The following SUFU variants were observed in gnomAD, a reference collection of about 807,000 sequenced individuals.
SUFU encodes suppressor of fused homolog.
SUFU carries 7 observed loss-of-function variants against 58.9 expected under a neutral mutation model. The ratio of observed to expected loss-of-function variants is 0.12; its 90% CI spans 0.07 to 0.22. SUFU has a LOEUF of 0.22. SUFU is among the 10% of genes least tolerant of loss of function. The pLI, the probability that SUFU is intolerant of heterozygous loss-of-function variation, is 1.00. For missense variants in SUFU, 451 were observed against 641.3 expected, an observed-to-expected ratio of 0.70 and a Z score of 3.20; for synonymous variants, 232 against 254.8, an observed-to-expected ratio of 0.91 and a Z score of 0.85.
At chr10:102,607,275 CCT>C (rs2063570740) in intron 8 of SUFU, among the ~76,000 whole-genome samples, 1 of 152,064 alleles carries the variant, frequency 6.6e-6, no homozygotes, top group Non-Finnish European at 1.5e-5. Context: ...GCCTTGAACT[CCT>C]GAGCTCAATC....
At chr10:102,513,944 G>A (rs957694340) in intron 2 of SUFU, among the ~76,000 whole-genome samples, 12 of 152,038 alleles carry the variant, frequency 7.9e-5, no homozygotes, top group African/African-American at 2.9e-4. Flanking sequence ...GAGGGCAGTG[G>A]CGAGGTCACG....
rs1384774384 is a variant in SUFU at position 102,630,397 on chromosome 10, G to C, written c.*242G>C. The C allele has an allele frequency of 1.8e-6, 1 of 562,784 alleles. No homozygotes were observed. Among genetic ancestry groups the C allele is most frequent in the Non-Finnish European group, 3.2e-6 (1 of 312,928 alleles). 34.9% of individuals were successfully genotyped at this position (562,784 alleles called of 1,614,324 possible). On this transcript the variant is annotated 3_prime_UTR_variant, in exon 12 of 12. Transcript: ENST00000369902. ...TTGTGACCCATCAGGCCAGTGAGTGGGCAAATGCGGACCCTCCCTGCCTGC... is the reference window on the plus strand; with the variant it reads ...TTGTGACCCATCAGGCCAGTGAGTGCGCAAATGCGGACCCTCCCTGCCTGC...
chr10:102,530,236 A>G (rs956750833), intron 2 of SUFU, among the ~76,000 whole-genome samples: 3 of 151,932 alleles, frequency 2.0e-5, no homozygotes, highest in Non-Finnish European at 2.9e-5. Context: ...CTGGAGTAAT[A>G]TGTTAATAAT....
chr10:102,593,664 A>G lies in SUFU; in HGVS notation c.626A>G (p.His209Arg). ...GTTGGTGTCTGCACTGAAGAGCTAC[A>G]CTCAGCCCAGCAGTGGAACGGGCAG... Reference protein sequence around the residue: ...QIVGVCTEELHSAQQWNGQGI... With the variant: ...QIVGVCTEELRSAQQWNGQGI... The change falls in exon 5 of 12, where the codon CAC (histidine) becomes CGC (arginine). Residue 209 changes from histidine (H) to arginine (R), a missense_variant. Physicochemically the swap from His to Arg is conservative, Grantham distance 29. Transcript: ENST00000369902. The G allele has an allele frequency of 6.2e-7, 1 of 1,614,104 alleles. No homozygotes were observed. Among genetic ancestry groups the G allele is most frequent in the Non-Finnish European group, 8.5e-7 (1 of 1,180,006 alleles).
chr10:102,539,013 G>A (rs772696506), intron 2 of SUFU, among the ~76,000 whole-genome samples: 7 of 152,258 alleles, frequency 4.6e-5, no homozygotes, highest in South Asian at 2.1e-4. Context: ...TGCTTTGTGC[G>A]GGTCAGACAG....
intron 3 of SUFU, among the ~76,000 whole-genome samples, chr10:102,576,884 AT>A (rs1387210004): frequency 1.3e-5 from 2 of 151,392 alleles, no homozygotes; most frequent in African/African-American, 4.9e-5. Context: ...TAATTTTTAA[AT>A]TTTTTTGTAG....
At chr10:102,599,597 G>A (rs1047520772) in intron 8 of SUFU, 53 bp downstream of exon 8, 1 of 1,462,918 alleles carries the variant, frequency 6.8e-7, no homozygotes, top group Non-Finnish European at 9.6e-7. Flanking sequence ...TTTTTCTGAA[G>A]GGCCTGTCCC....
intron 10 of SUFU, among the ~76,000 whole-genome samples, chr10:102,623,116 C>G (rs2063756057): frequency 2.6e-5 from 4 of 151,938 alleles, no homozygotes; most frequent in African/African-American, 9.7e-5. Context: ...GAGTGTGCTG[C>G]TCAGATTGGT....
At chr10:102,600,076 G>A (rs1046879014) in intron 8 of SUFU, among the ~76,000 whole-genome samples, 1 of 152,130 alleles carries the variant, frequency 6.6e-6, no homozygotes, top group African/African-American at 2.4e-5. Context: ...TGCCTGTCCA[G>A]GGGCCCCTGT....
At chr10:102,626,667 A>G (rs1357413570) in intron 10 of SUFU, among the ~76,000 whole-genome samples, 1 of 152,148 alleles carries the variant, frequency 6.6e-6, no homozygotes, top group Non-Finnish European at 1.5e-5. Flanking sequence ...TCTCCAGCTC[A>G]GACATTCTTG....
rs990791411 is a variant in SUFU at position 102,630,723 on chromosome 10, A to T, written c.*568A>T. ...AAGATGTCCAGAAGCCATGTATATA[A>T]TGTTTTTTAAACAGAACTTCATTCC... On this transcript the variant is annotated 3_prime_UTR_variant, in exon 12 of 12. Coordinates refer to ENST00000369902, the MANE Select transcript of SUFU (RefSeq NM_016169.4). The T allele has an allele frequency of 7.6e-6, 2 of 264,744 alleles. No homozygotes were observed. Among genetic ancestry groups the T allele is most frequent in the African/African-American group, 4.3e-5 (2 of 46,442 alleles). The allele number at this position is 264,744 out of a possible 1,614,324, so 16.4% of individuals were successfully genotyped here.
At chr10:102,521,057 C>T (rs1261971525) in intron 2 of SUFU, among the ~76,000 whole-genome samples, 1 of 152,166 alleles carries the variant, frequency 6.6e-6, no homozygotes, top group Non-Finnish European at 1.5e-5. Flanking sequence ...AACCATTTTC[C>T]ATAGTGGCTA....
intron 2 of SUFU, among the ~76,000 whole-genome samples, chr10:102,542,972 CTTCA>C (rs1190922928): frequency 1.3e-5 from 2 of 152,140 alleles, no homozygotes; most frequent in Non-Finnish European, 2.9e-5. Context: ...TTGTAGAGTT[CTTCA>C]TTCTTTCTTA....
At chr10:102,523,901 T>C (rs2062578437) in intron 2 of SUFU, among the ~76,000 whole-genome samples, 1 of 152,240 alleles carries the variant, frequency 6.6e-6, no homozygotes, top group Non-Finnish European at 1.5e-5. Context: ...CGGCCTTCTC[T>C]CTGACTGCTC....
intron 2 of SUFU, among the ~76,000 whole-genome samples, chr10:102,519,125 G>A (rs1467352560): frequency 9.7e-5 from 13 of 134,172 alleles, no homozygotes; most frequent in African/African-American, 3.3e-4. Flanking sequence ...GGGAGACAGC[G>A]AGACTCTGTC....
chr10:102,509,006 C>T (rs2135618950), intron 1 of SUFU, among the ~76,000 whole-genome samples, 163 bp from the exon 2 acceptor site: 1 of 152,334 alleles, frequency 6.6e-6, no homozygotes, highest in Admixed American at 6.5e-5. Context: ...CCTTAGCTGT[C>T]CATCCCTTAG....
chr10:102,562,579 T>C (rs947102300), intron 3 of SUFU, among the ~76,000 whole-genome samples: 1 of 151,132 alleles, frequency 6.6e-6, no homozygotes, highest in African/African-American at 2.4e-5. Context: ...TTTCTATAGT[T>C]AAAAGTAAGT....
intron 8 of SUFU, 61 bp downstream of exon 8, chr10:102,599,605 C>A: frequency 7.2e-7 from 1 of 1,387,946 alleles, no homozygotes; most frequent in Non-Finnish European, 1.0e-6. Context: ...AAGGGCCTGT[C>A]CCTGTGGATT....
chr10:102,617,369 G>C lies in SUFU; in HGVS notation c.1237G>C (p.Val413Leu). The C allele has an allele frequency of 6.2e-7, 1 of 1,614,252 alleles. No individual in the cohort carries two copies. The highest frequency in any genetic ancestry group is 8.5e-7 in the Non-Finnish European group (1 of 1,180,040). ...DMAITFVSTG[V>L]EGAFATEEHP... is the part of the protein sequence containing the mutation. ...GGCCATCACGTTTGTCTCCACGGGA[G>C]TGGAAGGCGCCTTTGCCACTGAGGA... The change falls in exon 10 of 12, where the codon GTG becomes CTG. Residue 413 changes from valine to leucine, a missense_variant. Val to Leu is a conservative substitution (Grantham distance 32, BLOSUM62 1). Transcript: ENST00000369902. The surrounding 1 kb of genome is among the most constrained non-coding windows in gnomAD (Gnocchi z 4.4).
Sources: allele counts gnomAD v4.1 joint callset (sites outside exome capture counted in the v4.1 genomes callset), GRCh38; gene constraint gnomAD v4.1.1; non-coding constraint Gnocchi (gnomAD v3.1); transcripts MANE v1.5; gene names NCBI Gene and HGNC (gene_info 2026-07-23, HGNC 2026-07-21).